PC: variants seen among roughly 807,000 people sequenced by gnomAD.
The protein encoded by PC is pyruvate carboxylase, also known as pyruvate carboxylase, mitochondrial.
Under a neutral mutation model 107.8 loss-of-function variants are expected in PC, and 46 were observed. The ratio of observed to expected loss-of-function variants is 0.43; its 90% CI spans 0.34 to 0.55. PC has a LOEUF of 0.55. PC is among the 20% of genes least tolerant of loss of function. The pLI is 0.04. For missense variants in PC, 1,241 were observed against 1,643.1 expected (o/e 0.76, Z 4.23); for synonymous variants, 662 against 684.7 (o/e 0.97, Z 0.52).
At position 66,857,677 on chromosome 11, in the gene PC, C is replaced by T. The variant is rs899827676; in HGVS notation, c.1369-4294G>A. On this transcript the variant is annotated intron_variant, in intron 12 of 22. Transcript: ENST00000393960. The surrounding 1 kb of genome is among the most constrained non-coding windows in gnomAD (Gnocchi z 7.1). ...AGCTGGCTTCTGGGACTGTCCTGGG[C>T]CCAAGTGGGCACCTGCGCCAGCCCC... The T allele has an allele frequency of 2.5e-5, 37 of 1,502,210 alleles. No individual in the cohort carries two copies. The highest frequency in any genetic ancestry group is 5.5e-5 in the African/African-American group (4 of 72,640). 93.1% of individuals were successfully genotyped at this position (1,502,210 alleles called of 1,614,324 possible).
chr11:66,894,491 A>G (rs1736728337), intron 3 of PC, among the ~76,000 whole-genome samples: 1 of 152,242 alleles, frequency 6.6e-6, no homozygotes, highest in Non-Finnish European at 1.5e-5. Context: ...TTTTAAAGCT[A>G]TGAACCCCCA....
Position 66,870,004 on chromosome 11 carries a change from A to C in PC, c.903+298T>G, listed in dbSNP as rs117910719. ...CTGATGACAGGGATGAGCTGATGCC[A>C]CAGAGAAGCCAGGTCTGTGTAGCAG... On this transcript the variant is annotated intron_variant, in intron 9 of 22. Coordinates refer to ENST00000393960, the MANE Select transcript of PC (RefSeq NM_001040716.2). This position sits in a 1 kb window ranked among gnomAD's most constrained non-coding sequence, Gnocchi z 6.1. Among the ~76,000 whole-genome samples, 2,499 of 152,340 alleles carry C rather than the reference A, an allele frequency of 0.016. 40 individuals carry two copies. Among genetic ancestry groups the C allele is most frequent in the South Asian group, 0.044 (213 of 4,832 alleles).
chr11:66,851,329 G>A, intron 16 of PC, 49 bp from the exon 17 acceptor site: 1 of 1,598,510 alleles, frequency 6.3e-7, no homozygotes, highest in Non-Finnish European at 8.5e-7. Flanking sequence ...ACCTCCCTCT[G>A]AACAGTCTTC....
In PC at chr11:66,850,940, A is replaced by C. The variant is rs1945449696; in HGVS notation, c.2224-17T>G. 6.4e-7 allele frequency: 1 copy of C among 1,569,398 alleles called. No homozygotes were observed. Among genetic ancestry groups the C allele is most frequent in the African/African-American group, 1.4e-5 (1 of 73,932 alleles). Reference sequence around the variant, plus strand: ...GGCCATGTCCTGGGGGAAGTGGGAGAGAGAGAGAGAGAGATGGTAGAGAGG... The same window carrying C: ...GGCCATGTCCTGGGGGAAGTGGGAGCGAGAGAGAGAGAGATGGTAGAGAGG... On this transcript the variant is annotated splice_polypyrimidine_tract_variant and intron_variant, in intron 17 of 22. Transcript: ENST00000393960.
chr11:66,916,299 T>C (rs957134780), intron 3 of PC, among the ~76,000 whole-genome samples: 26 of 152,178 alleles, frequency 1.7e-4, no homozygotes, highest in Admixed American at 9.2e-4. Flanking sequence ...TTGCCCAGGC[T>C]GGTCTTCACC....
rs952742412 is a variant in PC at position 66,853,907 on chromosome 11, C to T, written c.1369-524G>A. Among the ~76,000 whole-genome samples the T allele has an allele frequency of 3.3e-5, 5 of 152,252 alleles. No individual in the cohort carries two copies. In the South Asian group the frequency reaches 8.3e-4, roughly 25 times the overall value. Reference sequence around the variant, plus strand: ...ACATGCTCCCCAGGAGGCCCCGTCCCGGGGCTGTGGCGCCAGTGACAGGCT... The same window carrying T: ...ACATGCTCCCCAGGAGGCCCCGTCCTGGGGCTGTGGCGCCAGTGACAGGCT... On this transcript the variant is annotated intron_variant, in intron 12 of 22. Coordinates refer to ENST00000393960, the MANE Select transcript of PC (RefSeq NM_001040716.2).
intron 3 of PC, among the ~76,000 whole-genome samples, chr11:66,899,900 T>C (rs1947887494): frequency 6.6e-6 from 1 of 152,244 alleles, no homozygotes; most frequent in Non-Finnish European, 1.5e-5. Flanking sequence ...CTTTGGTCCA[T>C]TTTGAATTAA....
At chr11:66,925,475 C>T (rs909394508) in intron 3 of PC, among the ~76,000 whole-genome samples, 7 of 152,232 alleles carry the variant, frequency 4.6e-5, no homozygotes, top group African/African-American at 1.7e-4. Context: ...AAATATGGCT[C>T]TGCTCCGCCC....
intron 12 of PC, chr11:66,856,769 T>A (rs558948667): frequency 1.3e-5 from 2 of 151,848 alleles, no homozygotes; most frequent in Non-Finnish European, 2.9e-5. Flanking sequence ...TGTCTGGCTG[T>A]CTGCAGAGTG....
chr11:66,876,779 T>C (rs1946996250), intron 3 of PC, among the ~76,000 whole-genome samples: 1 of 152,098 alleles, frequency 6.6e-6, no homozygotes, highest in Non-Finnish European at 1.5e-5. Flanking sequence ...GGGCACCAAA[T>C]GTCTACTCTG....
At chr11:66,874,591 G>A (rs1456226545) in intron 3 of PC, among the ~76,000 whole-genome samples, 1 of 152,152 alleles carries the variant, frequency 6.6e-6, no homozygotes, top group African/African-American at 2.4e-5. Flanking sequence ...AGAAGAAAGA[G>A]AAGAGGAGGA....
At chr11:66,860,798 C>T (rs1946216619) in intron 12 of PC, 21 of 686,396 alleles carry the variant, frequency 3.1e-5, no homozygotes, top group South Asian at 2.8e-4. Context: ...GAGCGCCTTC[C>T]CCATGGCACT....
chr11:66,909,098 G>A (rs73489746), intron 3 of PC, among the ~76,000 whole-genome samples: 1,821 of 152,298 alleles, frequency 0.012, 14 homozygotes, highest in African/African-American at 0.015. Context: ...CCTGTTCCCC[G>A]TGTCCAGTGC....
intron 3 of PC, among the ~76,000 whole-genome samples, chr11:66,935,806 T>C (rs935696342): frequency 6.6e-6 from 1 of 151,970 alleles, no homozygotes; most frequent in African/African-American, 2.4e-5. Context: ...AAAATAAAAC[T>C]AGCCAAGTGC....
chr11:66,943,464 T>C (rs1949198595), intron 3 of PC, among the ~76,000 whole-genome samples: 1 of 151,442 alleles, frequency 6.6e-6, no homozygotes, highest in Non-Finnish European at 1.5e-5. Flanking sequence ...CTCGGCCGGG[T>C]GCGGTGGCTC....
chr11:66,934,005 G>C (rs1948929951), intron 3 of PC, among the ~76,000 whole-genome samples: 1 of 152,130 alleles, frequency 6.6e-6, no homozygotes, highest in Non-Finnish European at 1.5e-5. Flanking sequence ...ATTCCACAGT[G>C]ATCAATGCAG....
rs1376147505 is a variant in PC, at chr11:66,945,727, A to G, written c.-1+6703T>C. 4.2e-5 allele frequency among the ~76,000 whole-genome samples: 5 copies of G among 119,098 alleles called. 2 individuals are homozygous for G. The highest frequency in any genetic ancestry group is 1.5e-4 in the African/African-American group (5 of 33,288). 78.1% of individuals were successfully genotyped at this position (119,098 alleles called of 152,430 possible). On this transcript the variant is annotated intron_variant, in intron 3 of 22. Transcript: ENST00000393960. Reference sequence around the variant, plus strand: ...TTATTAGGTAAGCTTCTCTAATTCCAGGAAAATATTAGATTAAATATAGAC... The same window carrying G: ...TTATTAGGTAAGCTTCTCTAATTCCGGGAAAATATTAGATTAAATATAGAC...
rs966967417 is a variant in PC, at chr11:66,871,534, C to T, written c.322-54G>A. 85 of 1,607,378 alleles carry T rather than the reference C, an allele frequency of 5.3e-5. No individual in the cohort carries two copies. The highest frequency in any genetic ancestry group is 3.8e-4 in the East Asian group (17 of 44,840). On this transcript the variant is annotated intron_variant, in intron 5 of 22. Transcript: ENST00000393960. This position sits in a 1 kb window ranked among gnomAD's most constrained non-coding sequence, Gnocchi z 7.4. ...TACCTTGCAGTCCCTTCCAAGGCCT[C>T]GGCCAGCCTCTTCCCCTGCCTAACC... is the stretch of plus-strand genomic sequence containing the variant.
At chr11:66,906,480 C>T (rs908504958) in intron 3 of PC, among the ~76,000 whole-genome samples, 1 of 152,194 alleles carries the variant, frequency 6.6e-6, no homozygotes, top group African/African-American at 2.4e-5. Context: ...CCACGGTGCT[C>T]AATCCCTCCA....
Sources: gnomAD v4.1 joint callset for allele counts (sites outside exome capture counted in the v4.1 genomes callset) on GRCh38, gnomAD v4.1.1 for gene constraint, Gnocchi (gnomAD v3.1) non-coding constraint, MANE v1.5 for transcripts, NCBI Gene and HGNC (gene_info 2026-07-23, HGNC 2026-07-21) for gene names.